PRKG1: variants seen among roughly 807,000 people sequenced by gnomAD.
PRKG1 encodes the protein protein kinase cGMP-dependent 1.
PRKG1 carries 35 observed loss-of-function variants against 88.1 expected under a neutral mutation model. The ratio of observed to expected loss-of-function variants is 0.40; its 90% confidence interval spans 0.30 to 0.53. The LOEUF (loss-of-function observed/expected upper bound fraction) is 0.53, where lower values mean the gene tolerates loss of function less well. PRKG1 is among the 20% of genes least tolerant of loss of function. The probability of loss-of-function intolerance (pLI) is 0.59; values close to 1 mark genes in which losing one functional copy is unlikely to be tolerated. For synonymous variants in PRKG1, 303 were observed against 292.5 expected, an observed-to-expected ratio of 1.04 and a Z score of -0.37; for missense variants, 540 against 839.8, an observed-to-expected ratio of 0.64 and a Z score of 4.41.
intron 4 of PRKG1, among the ~76,000 whole-genome samples, chr10:51,851,343 G>T (rs531443935): frequency 6.6e-6 from 1 of 152,184 alleles, no homozygotes; most frequent in Admixed American, 6.5e-5. Flanking sequence ...AGTGGAGTTT[G>T]TGGGTGGGGT....
At chr10:51,444,158 A>T (rs1168757191) in intron 2 of PRKG1, among the ~76,000 whole-genome samples, 1 of 151,642 alleles carries the variant, frequency 6.6e-6, no homozygotes, top group African/African-American at 2.4e-5. Flanking sequence ...CCAGCTGTAT[A>T]TTACAGTAAC....
chr10:51,601,532 T>C (rs977117006), intron 3 of PRKG1, among the ~76,000 whole-genome samples: 7 of 152,064 alleles, frequency 4.6e-5, no homozygotes, highest in Non-Finnish European at 8.8e-5. Context: ...AGAACATCAT[T>C]GATGTGTCCA....
At chr10:51,422,742 T>C (rs1019588019) in intron 2 of PRKG1, among the ~76,000 whole-genome samples, 1 of 152,152 alleles carries the variant, frequency 6.6e-6, no homozygotes, top group Non-Finnish European at 1.5e-5. Flanking sequence ...GTTTTTTAAA[T>C]CCCTGGTGAC....
intron 1 of PRKG1, among the ~76,000 whole-genome samples, chr10:51,107,188 T>C (rs1003052615): frequency 6.6e-6 from 1 of 152,034 alleles, no homozygotes; most frequent in Admixed American, 6.6e-5. Flanking sequence ...TTCGTGTACA[T>C]GAGGGCCAGC....
At chr10:52,210,228 C>T (rs10508964) in intron 9 of PRKG1, among the ~76,000 whole-genome samples, 40,333 of 151,704 alleles carry the variant, frequency 0.27, 6,544 homozygotes, top group Admixed American at 0.36. Context: ...AAAATCAAAA[C>T]GTGTCATCTC....
intron 8 of PRKG1, among the ~76,000 whole-genome samples, chr10:52,137,057 T>A (rs1006327350): frequency 1.3e-5 from 2 of 152,080 alleles, no homozygotes; most frequent in African/African-American, 4.8e-5. Flanking sequence ...TATGGCCAAT[T>A]AGAAGAGCAC....
At chr10:52,116,821 A>G (rs1847697699) in intron 7 of PRKG1, among the ~76,000 whole-genome samples, 1 of 152,006 alleles carries the variant, frequency 6.6e-6, no homozygotes. Context: ...CCTGTCAAAT[A>G]CCATTATTTT....
intron 14 of PRKG1, 75 bp downstream of exon 14, chr10:52,282,391 G>GA: frequency 7.4e-7 from 1 of 1,359,820 alleles, no homozygotes; most frequent in African/African-American, 1.5e-5. Context: ...TTGTCACTTG[G>GA]ATTAGACCAT....
At chr10:52,020,416 T>C (rs1436041257) in intron 5 of PRKG1, among the ~76,000 whole-genome samples, 1 of 152,156 alleles carries the variant, frequency 6.6e-6, no homozygotes, top group African/African-American at 2.4e-5. Flanking sequence ...CATAAGAGTC[T>C]ATAGTAACCT....
chr10:52,277,285 G>A (rs993987614), intron 12 of PRKG1, among the ~76,000 whole-genome samples: 7 of 152,242 alleles, frequency 4.6e-5, no homozygotes, highest in African/African-American at 1.7e-4. Flanking sequence ...TTGATTTGTG[G>A]CAGTTAGCCT....
At chr10:52,189,447 C>A (rs569861364) in intron 9 of PRKG1, among the ~76,000 whole-genome samples, 240 of 152,244 alleles carry the variant, frequency 1.6e-3, no homozygotes, top group Middle Eastern at 6.8e-3. Flanking sequence ...AGGAAGTGAG[C>A]AGTAGACAAG....
At position 51,074,728 on chromosome 10, in the gene PRKG1, G is replaced by T; in HGVS notation, c.138G>T (p.Leu46=). ...DELIQKLQNE[L]DKYRSVIRPA... is the part of the protein sequence containing the mutation. ...TGATCCAGAAGCTGCAGAACGAGCT[G>T]GACAAGTACCGCTCGGTGATCCGAC... The change falls in exon 1 of 18, where the codon CTG becomes CTT. Residue 46 remains leucine, a synonymous_variant. Transcript: ENST00000373980. 1 of 1,614,062 alleles carries T rather than the reference G, an allele frequency of 6.2e-7. No individual in the cohort carries two copies. The highest frequency in any genetic ancestry group is 8.5e-7 in the Non-Finnish European group (1 of 1,179,960).
chr10:51,777,758 G>A (rs1838478397), intron 3 of PRKG1, among the ~76,000 whole-genome samples: 1 of 152,044 alleles, frequency 6.6e-6, no homozygotes, highest in African/African-American at 2.4e-5. Context: ...AATTCTCTGA[G>A]CCCTGTCTTT....
chr10:52,135,759 G>A (rs1237861705), intron 8 of PRKG1, among the ~76,000 whole-genome samples: 1 of 152,080 alleles, frequency 6.6e-6, no homozygotes, highest in Non-Finnish European at 1.5e-5. Context: ...TGGATGGCCT[G>A]TAGGAGACAG....
At position 52,024,791 on chromosome 10, in the gene PRKG1, C is replaced by T. The variant is rs561502046; in HGVS notation, c.763-29693C>T. On this transcript the variant is annotated intron_variant, in intron 5 of 17. Coordinates refer to ENST00000373980, the MANE Select transcript of PRKG1 (RefSeq NM_006258.4). ...TGTGAATAGTGCTGCAATAAACATA[C>T]GTGTGCATGTGTCTTTATAGTAGCA... Among the ~76,000 whole-genome samples the T allele has an allele frequency of 5.3e-5, 8 of 152,256 alleles. No individual in the cohort carries two copies. In the East Asian group the frequency reaches 7.7e-4, roughly 15 times the overall value.
intron 2 of PRKG1, among the ~76,000 whole-genome samples, chr10:51,356,539 C>A (rs1279035359): frequency 6.6e-6 from 1 of 151,890 alleles, no homozygotes; most frequent in African/African-American, 2.4e-5. Context: ...TCTCTGTGCT[C>A]CCCGCTCCTC....
intron 2 of PRKG1, among the ~76,000 whole-genome samples, chr10:51,214,557 T>G (rs559506078): frequency 2.6e-5 from 4 of 152,232 alleles, no homozygotes; most frequent in Admixed American, 2.6e-4. Context: ...TCACTGCTCA[T>G]TGAGGCCTCT....
intron 3 of PRKG1, among the ~76,000 whole-genome samples, chr10:51,736,696 ACTCCTGGTTTCAAGCGGTC>A (rs1351114558): frequency 1.3e-5 from 2 of 148,238 alleles, no homozygotes; most frequent in African/African-American, 2.5e-5. Flanking sequence ...GTAATCTTGA[ACTCCTGGTTTCAAGCGGTC>A]CTCCTGGATT....
intron 3 of PRKG1, among the ~76,000 whole-genome samples, chr10:51,671,720 G>A (rs138718560): frequency 0.01 from 1,573 of 151,990 alleles, 27 homozygotes; most frequent in African/African-American, 0.036. Context: ...CTGAGCAGCT[G>A]GGATTACATG....
Sources: allele counts gnomAD v4.1 joint callset (sites outside exome capture counted in the v4.1 genomes callset), GRCh38; gene constraint gnomAD v4.1.1; transcripts MANE v1.5; gene names NCBI Gene and HGNC (gene_info 2026-07-23, HGNC 2026-07-21).